LDLRAD4: variants seen among roughly 807,000 people sequenced by gnomAD.
LDLRAD4 encodes the protein low density lipoprotein receptor class A domain containing 4, also known as low-density lipoprotein receptor class A domain-containing protein 4.
A neutral mutation model predicts 17.0 loss-of-function variants in LDLRAD4; 5 were observed. That is an observed-to-expected ratio of 0.29 (90% confidence interval 0.15 to 0.62). The LOEUF (loss-of-function observed/expected upper bound fraction) is 0.62. Among genes scored for constraint, LDLRAD4 ranks in the 20% least tolerant of loss-of-function variants. The pLI, the probability that LDLRAD4 is intolerant of heterozygous loss-of-function variation, is 0.84. For missense variants in LDLRAD4, 340 were observed against 424.7 expected, an observed-to-expected ratio of 0.80 and a Z score of 1.75; for synonymous variants, 168 against 171.8, an observed-to-expected ratio of 0.98 and a Z score of 0.17.
At chr18:13,422,414 A>G (rs1477719399) in intron 2 of LDLRAD4, among the ~76,000 whole-genome samples, 1 of 152,196 alleles carries the variant, frequency 6.6e-6, no homozygotes, top group Non-Finnish European at 1.5e-5. Flanking sequence ...AAAACCAGTA[A>G]GGCCAGGTGC....
intron 3 of LDLRAD4, among the ~76,000 whole-genome samples, chr18:13,578,442 A>G (rs2094805504): frequency 6.6e-6 from 1 of 152,204 alleles, no homozygotes; most frequent in Non-Finnish European, 1.5e-5. Context: ...CCTGGCCAGC[A>G]CATCATCATT....
At chr18:13,445,567 CAT>C (rs896181135) in intron 3 of LDLRAD4, among the ~76,000 whole-genome samples, 6 of 147,816 alleles carry the variant, frequency 4.1e-5, no homozygotes, top group African/African-American at 1.2e-4. Flanking sequence ...TGTGTTTGTG[CAT>C]GTGTGTGTGT....
chr18:13,343,149 T>C (rs1332473406), intron 1 of LDLRAD4, among the ~76,000 whole-genome samples: 2 of 152,054 alleles, frequency 1.3e-5, no homozygotes, highest in African/African-American at 4.8e-5. Flanking sequence ...TAGTTACATA[T>C]GTATACATGT....
intron 3 of LDLRAD4, among the ~76,000 whole-genome samples, chr18:13,619,891 G>A (rs902541269): frequency 6.6e-6 from 1 of 152,084 alleles, no homozygotes; most frequent in African/African-American, 2.4e-5. Context: ...CTCCTACACA[G>A]TCTGCTCTTC....
At chr18:13,593,672 G>A in intron 3 of LDLRAD4, among the ~76,000 whole-genome samples, 1 of 152,138 alleles carries the variant, frequency 6.6e-6, no homozygotes, top group East Asian at 1.9e-4. Flanking sequence ...GGCGCAGGCT[G>A]GCCTTGAACT....
chr18:13,280,555 G>A (rs544718207), intron 1 of LDLRAD4, among the ~76,000 whole-genome samples: 8 of 152,162 alleles, frequency 5.3e-5, no homozygotes, highest in African/African-American at 1.2e-4. Context: ...AATTTCACAC[G>A]GCATCCTGCT....
intron 5 of LDLRAD4, among the ~76,000 whole-genome samples, chr18:13,644,525 G>A (rs1015821071): frequency 4.7e-5 from 7 of 149,450 alleles, no homozygotes; most frequent in Middle Eastern, 6.8e-3. Context: ...CCAAGATGGC[G>A]CCACTGCACT....
rs377457810 is a variant in LDLRAD4 at position 13,362,558 on chromosome 18, A to G, written c.-382-24783A>G. The G allele has an allele frequency of 1.3e-4, 20 of 152,364 alleles. No individual in the cohort carries two copies. In the East Asian group the frequency reaches 3.7e-3, roughly 28 times the overall value. The allele number at this position is 152,364 out of a possible 1,614,324, so 9.4% of individuals were successfully genotyped here. ...AGATTGCAGTCTCCATGCTTTAGCT[A>G]TGCATCTAGACATTTCTAGCTGGAC... On this transcript the variant is annotated intron_variant, in intron 1 of 5. Transcript: ENST00000359446.
At chr18:13,641,725 G>A (rs1246409802) in intron 4 of LDLRAD4, 30 of 984,088 alleles carry the variant, frequency 3.0e-5, no homozygotes, top group Non-Finnish European at 3.5e-5. Context: ...CGTGGGGTGC[G>A]GCAAGGGGAG....
intron 1 of LDLRAD4, among the ~76,000 whole-genome samples, chr18:13,313,227 A>G (rs955975328): frequency 6.6e-6 from 1 of 152,200 alleles, no homozygotes; most frequent in Non-Finnish European, 1.5e-5. Context: ...TTATTTGCAG[A>G]GTCCTATTTG....
At chr18:13,222,850 C>T (rs1207746409) in intron 1 of LDLRAD4, among the ~76,000 whole-genome samples, 1 of 152,224 alleles carries the variant, frequency 6.6e-6, no homozygotes, top group African/African-American at 2.4e-5. Context: ...TCCCAGGAGA[C>T]CTCAACTTTG....
chr18:13,329,034 A>AG (rs1655039892), intron 1 of LDLRAD4, among the ~76,000 whole-genome samples: 1 of 152,190 alleles, frequency 6.6e-6, no homozygotes, highest in African/African-American at 2.4e-5. Flanking sequence ...ACAGTTGCAT[A>AG]GTTTTGACTG....
intron 1 of LDLRAD4, among the ~76,000 whole-genome samples, chr18:13,374,774 C>T (rs2084778314): frequency 1.3e-5 from 2 of 152,174 alleles, no homozygotes; most frequent in African/African-American, 4.8e-5. Context: ...CCAGCACCTG[C>T]TAGGTGTGTG....
chr18:13,307,910 G>A (rs1199324595), intron 1 of LDLRAD4, among the ~76,000 whole-genome samples: 1 of 152,132 alleles, frequency 6.6e-6, no homozygotes, highest in African/African-American at 2.4e-5. Flanking sequence ...TTTTGACCGT[G>A]GAGCGGGCTG....
intron 1 of LDLRAD4, among the ~76,000 whole-genome samples, chr18:13,358,945 A>G (rs564208466): frequency 7.9e-5 from 12 of 152,348 alleles, no homozygotes; most frequent in Non-Finnish European, 1.5e-5. Flanking sequence ...GAAAAGAACT[A>G]TGGATGGAGA....
intron 1 of LDLRAD4, among the ~76,000 whole-genome samples, chr18:13,352,895 A>G (rs1329181120): frequency 6.6e-6 from 1 of 152,272 alleles, no homozygotes; most frequent in East Asian, 1.9e-4. Flanking sequence ...TTGAAAATAT[A>G]GTAGCATTTT....
intron 1 of LDLRAD4, among the ~76,000 whole-genome samples, chr18:13,383,693 C>T (rs2085564706): frequency 6.6e-6 from 1 of 152,208 alleles, no homozygotes; most frequent in African/African-American, 2.4e-5. Flanking sequence ...GGCCTGCAGG[C>T]TTCTGCTGAC....
chr18:13,319,474 C>G (rs2081107392), intron 1 of LDLRAD4, among the ~76,000 whole-genome samples: 2 of 152,202 alleles, frequency 1.3e-5, no homozygotes, highest in South Asian at 4.1e-4. Flanking sequence ...GGAGGCAGGA[C>G]TTGTACCCTC....
intron 1 of LDLRAD4, among the ~76,000 whole-genome samples, chr18:13,342,444 A>G (rs141111640): frequency 2.6e-3 from 321 of 123,998 alleles, no homozygotes; most frequent in Middle Eastern, 5.0e-3. Flanking sequence ...CTGTTTCTTC[A>G]TGATTCAGTC....
Sources: allele counts gnomAD v4.1 joint callset (sites outside exome capture counted in the v4.1 genomes callset), GRCh38; gene constraint gnomAD v4.1.1; transcripts MANE v1.5; gene names NCBI Gene and HGNC (gene_info 2026-07-23, HGNC 2026-07-21).